Variants in TENM3 observed in about 807,000 individuals in gnomAD.
The protein encoded by TENM3 is teneurin transmembrane protein 3.
TENM3 carries 63 observed loss-of-function variants against 255.1 expected under a neutral mutation model. The ratio of observed to expected loss-of-function variants is 0.25; its 90% CI spans 0.20 to 0.30. The LOEUF (loss-of-function observed/expected upper bound fraction) is 0.30. Ranked by LOEUF, TENM3 falls within the 10% of genes least tolerant of loss-of-function variation. The probability of loss-of-function intolerance (pLI) is 1.00; values close to 1 mark genes in which losing one functional copy is unlikely to be tolerated. For missense variants in TENM3, 2,929 were observed against 3,461.1 expected (o/e 0.85, Z 3.86); for synonymous variants, 1,306 against 1,322.3 (o/e 0.99, Z 0.27).
chr4:182,576,673 T>C (rs918545068), intron 3 of TENM3, among the ~76,000 whole-genome samples: 1 of 152,224 alleles, frequency 6.6e-6, no homozygotes, highest in Non-Finnish European at 1.5e-5. Context: ...AATCTGGCCC[T>C]GCATGTTTAT....
intron 24 of TENM3, 63 bp downstream of exon 24, chr4:182,775,216 G>A: frequency 6.7e-7 from 1 of 1,495,132 alleles, no homozygotes; most frequent in Non-Finnish European, 9.3e-7. Context: ...ATCATCCTGA[G>A]GGCAGGTTGC....
At chr4:182,761,885 G>A (rs769872070) in intron 22 of TENM3, among the ~76,000 whole-genome samples, 8 of 152,148 alleles carry the variant, frequency 5.3e-5, no homozygotes, top group South Asian at 4.2e-4. Context: ...TAACCAAAAC[G>A]TGTATTTCCA....
the TENM3 span, among the ~76,000 whole-genome samples, chr4:181,682,730 G>A: frequency 6.6e-6 from 1 of 152,092 alleles, no homozygotes; most frequent in Non-Finnish European, 1.5e-5. Context: ...AAAAAATAGG[G>A]CAATTCATTT....
At chr4:182,649,531 G>T (rs1333254202) in intron 5 of TENM3, among the ~76,000 whole-genome samples, 1 of 150,308 alleles carries the variant, frequency 6.7e-6, no homozygotes, top group Non-Finnish European at 1.5e-5. Context: ...AATTTTTCAT[G>T]ATTAAATCTA....
the TENM3 span, among the ~76,000 whole-genome samples, chr4:181,588,621 T>C: frequency 2.6e-5 from 4 of 152,280 alleles, no homozygotes; most frequent in East Asian, 1.9e-4. Context: ...CTTTGAGAAA[T>C]AACTATGGGA....
chr4:182,646,072 G>A (rs1372660404), intron 5 of TENM3, among the ~76,000 whole-genome samples: 1 of 152,170 alleles, frequency 6.6e-6, no homozygotes, highest in African/African-American at 2.4e-5. Context: ...AACAGAAACA[G>A]TACTCAGCAC....
the TENM3 span, among the ~76,000 whole-genome samples, chr4:181,463,105 G>A: frequency 6.6e-6 from 1 of 152,116 alleles, no homozygotes; most frequent in Admixed American, 6.5e-5. Context: ...AGACCTTTAT[G>A]GTCAGCAAAG....
At chr4:182,600,016 C>T (rs538193100) in intron 3 of TENM3, among the ~76,000 whole-genome samples, 4 of 152,228 alleles carry the variant, frequency 2.6e-5, no homozygotes, top group South Asian at 4.1e-4. Flanking sequence ...TAACTTATGA[C>T]GTATTAGCTT....
chr4:182,105,100 C>G, the TENM3 span, among the ~76,000 whole-genome samples: 5 of 152,110 alleles, frequency 3.3e-5, no homozygotes, highest in Non-Finnish European at 1.5e-5. Context: ...ATAGTCCCAG[C>G]TACTCCGGAG....
chr4:181,910,590 GTATATA>G, the TENM3 span, among the ~76,000 whole-genome samples: 406 of 142,828 alleles, frequency 2.8e-3, 2 homozygotes, highest in African/African-American at 0.01. Flanking sequence ...ATATGTATTT[GTATATA>G]TATATATATA....
the TENM3 span, among the ~76,000 whole-genome samples, chr4:181,888,525 T>C: frequency 0.24 from 24,359 of 99,732 alleles, 4,722 homozygotes; most frequent in Non-Finnish European, 0.27. Flanking sequence ...TGTATATATA[T>C]ACATATATGT....
At chr4:182,167,716 CA>C (rs201571113) in intron 1 of TENM3, among the ~76,000 whole-genome samples, 1 of 151,422 alleles carries the variant, frequency 6.6e-6, no homozygotes, top group African/African-American at 2.4e-5. Flanking sequence ...CTACAAAATA[CA>C]AAAAAAACAT....
At chr4:182,016,566 T>C in the TENM3 span, among the ~76,000 whole-genome samples, 1 of 152,060 alleles carries the variant, frequency 6.6e-6, no homozygotes, top group East Asian at 1.9e-4. Flanking sequence ...GAGGATTGAG[T>C]TGTAAATAGA....
the TENM3 span, among the ~76,000 whole-genome samples, chr4:181,603,617 T>C: frequency 6.6e-6 from 1 of 152,124 alleles, no homozygotes; most frequent in Non-Finnish European, 1.5e-5. Context: ...ATATGAAATA[T>C]AGAAATAATG....
intron 5 of TENM3, among the ~76,000 whole-genome samples, chr4:182,634,390 G>A (rs1751665039): frequency 6.6e-6 from 1 of 152,082 alleles, no homozygotes; most frequent in South Asian, 2.1e-4. Flanking sequence ...AGAAACCTTA[G>A]CTGACTCATG....
chr4:181,961,569 G>C, the TENM3 span, among the ~76,000 whole-genome samples: 6 of 152,070 alleles, frequency 3.9e-5, no homozygotes, highest in African/African-American at 1.4e-4. Context: ...ACAGGCGCCC[G>C]CCACCACGTC....
chr4:182,486,315 T>TGGGG (rs5864787), intron 3 of TENM3, among the ~76,000 whole-genome samples: 1 of 111,338 alleles, frequency 9.0e-6, no homozygotes, highest in Non-Finnish European at 1.7e-5. Flanking sequence ...TAATTGTGTG[T>TGGGG]GGGGGGGAGG....
chr4:182,514,122 C>T (rs2151736632), intron 3 of TENM3, among the ~76,000 whole-genome samples: 1 of 152,338 alleles, frequency 6.6e-6, no homozygotes, highest in Middle Eastern at 3.4e-3. Flanking sequence ...GCTGTATTGT[C>T]AGTGGCAGTC....
At chr4:182,516,639 C>T (rs1188632626) in intron 3 of TENM3, among the ~76,000 whole-genome samples, 2 of 152,110 alleles carry the variant, frequency 1.3e-5, no homozygotes, top group Non-Finnish European at 2.9e-5. Flanking sequence ...GCCTGTAATC[C>T]CAGCACTTTG....
Sources: gnomAD v4.1 joint callset for allele counts (sites outside exome capture counted in the v4.1 genomes callset) on GRCh38, gnomAD v4.1.1 for gene constraint, MANE v1.5 for transcripts, NCBI Gene and HGNC (gene_info 2026-07-23, HGNC 2026-07-21) for gene names.